The following FUT8 variants were observed in gnomAD, a reference collection of about 807,000 sequenced individuals.
The protein encoded by FUT8 is alpha-(1,6)-fucosyltransferase.
In FUT8, 29 loss-of-function variants were observed where a neutral mutation model predicts 71.3. That is an observed-to-expected ratio of 0.41 (90% CI 0.30 to 0.55). FUT8 has a LOEUF of 0.55. Among genes scored for constraint, FUT8 ranks in the 20% least tolerant of loss-of-function variants. FUT8 has a pLI of 0.34. For missense variants in FUT8, 544 were observed against 702.1 expected (o/e 0.77, Z 2.55); for synonymous variants, 254 against 239.3 (o/e 1.06, Z -0.57).
rs1891903789 is a variant in FUT8, at chr14:65,660,449, G to A, written c.598-8794G>A. Among the ~76,000 whole-genome samples the A allele has an allele frequency of 6.6e-6, 1 of 152,118 alleles. No homozygotes were observed. The highest frequency in any genetic ancestry group is 2.4e-5 in the African/African-American group (1 of 41,432). ...ACCAAGATAAGCTTTCCTCTTCTAT[G>A]ACCATATAGTAACTATCTGCCTTTG... is the stretch of plus-strand genomic sequence containing the variant. On this transcript the variant is annotated intron_variant, in intron 6 of 10. Transcript: ENST00000673929. This position sits in a 1 kb window ranked among gnomAD's most constrained non-coding sequence, Gnocchi z 4.1.
intron 1 of FUT8, among the ~76,000 whole-genome samples, chr14:65,429,949 C>T (rs546010232): frequency 6.7e-6 from 1 of 149,034 alleles, no homozygotes; most frequent in African/African-American, 2.5e-5. Context: ...TATGAAATGT[C>T]AGTGTCAGCG....
At position 65,643,309 on chromosome 14, in the gene FUT8, A is replaced by G. The variant is rs950444703; in HGVS notation, c.597+13703A>G. Among the ~76,000 whole-genome samples the G allele has an allele frequency of 2.6e-5, 4 of 152,202 alleles. No homozygotes were observed. Among genetic ancestry groups the G allele is most frequent in the Non-Finnish European group, 5.9e-5 (4 of 68,026 alleles). ...CACAACATCATTCCTTATTGAGGGT[A>G]TAAAAGGGAATACATATTTAGGTCA... On this transcript the variant is annotated intron_variant, in intron 6 of 10. Coordinates refer to ENST00000673929, the MANE Select transcript of FUT8 (RefSeq NM_001371533.1). The surrounding 1 kb of genome is among the most constrained non-coding windows in gnomAD (Gnocchi z 4.5).
intron 6 of FUT8, among the ~76,000 whole-genome samples, chr14:65,657,859 T>C (rs1187897367): frequency 6.6e-6 from 1 of 152,176 alleles, no homozygotes; most frequent in Non-Finnish European, 1.5e-5. Flanking sequence ...CTACCCCATT[T>C]ACCCTGATGT....
intron 2 of FUT8, among the ~76,000 whole-genome samples, chr14:65,513,609 A>G (rs1226892125): frequency 6.6e-6 from 1 of 151,354 alleles, no homozygotes; most frequent in Non-Finnish European, 1.5e-5. Flanking sequence ...GAGCAGTGAA[A>G]TTGTTCCCTT....
chr14:65,397,528 G>T, the FUT8 span, among the ~76,000 whole-genome samples: 4 of 152,210 alleles, frequency 2.6e-5, no homozygotes, highest in Admixed American at 6.5e-5. This position sits in a 1 kb window ranked among gnomAD's most constrained non-coding sequence, Gnocchi z 4.2. Flanking sequence ...TGGGTACTCT[G>T]GTTTCCACCT....
chr14:65,738,912 A>G (rs1050541250), intron 10 of FUT8, among the ~76,000 whole-genome samples: 1 of 152,120 alleles, frequency 6.6e-6, no homozygotes, highest in Non-Finnish European at 1.5e-5. Context: ...TATTCATTCA[A>G]CAGATACTTA....
chr14:65,616,013 T>A lies in FUT8; in HGVS notation c.239T>A (p.Ile80Lys). The A allele has an allele frequency of 6.2e-7, 1 of 1,613,934 alleles. No homozygotes were observed. Among genetic ancestry groups the A allele is most frequent in the Non-Finnish European group, 8.5e-7 (1 of 1,179,872 alleles). ...GGCCCTATTGATCAGGGGCCAGCTATAGGAAGAGTACGCGTTTTAGAAGAG... is the reference window on the plus strand; with the variant it reads ...GGCCCTATTGATCAGGGGCCAGCTAAAGGAAGAGTACGCGTTTTAGAAGAG... The part of the protein sequence containing the change: ...PEGPIDQGPA[I>K]GRVRVLEEQL... Residue 80 changes from isoleucine (I) to lysine (K), a missense_variant, in exon 4 of 11, where the codon ATA (isoleucine) becomes AAA (lysine). Coordinates refer to ENST00000673929, the MANE Select transcript of FUT8 (RefSeq NM_001371533.1).
chr14:65,530,115 ACT>A (rs1883837946), intron 2 of FUT8, among the ~76,000 whole-genome samples: 1 of 151,874 alleles, frequency 6.6e-6, no homozygotes, highest in African/African-American at 2.4e-5. Context: ...TCTTTCTGTA[ACT>A]CTCTCACTTC....
intron 7 of FUT8, among the ~76,000 whole-genome samples, chr14:65,712,559 C>T (rs1406022284): frequency 6.6e-6 from 1 of 152,126 alleles, no homozygotes; most frequent in Non-Finnish European, 1.5e-5. Context: ...ATTCTCCTGC[C>T]TCAGCCTCCT....
At chr14:65,423,931 A>G (rs2065341677) in intron 1 of FUT8, among the ~76,000 whole-genome samples, 1 of 152,182 alleles carries the variant, frequency 6.6e-6, no homozygotes, top group South Asian at 2.1e-4. Context: ...CTTTTTTTAC[A>G]ATGGCCCTTA....
rs368933597 is a variant in FUT8 at position 65,634,190 on chromosome 14, T to C, written c.597+4584T>C. Among the ~76,000 whole-genome samples the C allele has an allele frequency of 1.7e-3, 259 of 151,814 alleles. 2 individuals are homozygous for C. Among genetic ancestry groups the C allele is most frequent in the African/African-American group, 6.1e-3 (252 of 41,362 alleles). ...GTGTCTGTGTAGAAAGAAGTAGACA[T>C]GGGAGACTTTTCATTTTGTTCTGTA... is the stretch of plus-strand genomic sequence containing the variant. On this transcript the variant is annotated intron_variant, in intron 6 of 10. Coordinates refer to ENST00000673929, the MANE Select transcript of FUT8 (RefSeq NM_001371533.1).
rs149344422 is a variant in FUT8, at chr14:65,628,375, A to G, written c.483-1117A>G. On this transcript the variant is annotated intron_variant, in intron 5 of 10. Coordinates refer to ENST00000673929, the MANE Select transcript of FUT8 (RefSeq NM_001371533.1). Reference sequence around the variant, plus strand: ...AACAAAGTAGTAACATTATTTGTTGATGTTGTAACAGGATCTAGCTGATAT... The same window carrying G: ...AACAAAGTAGTAACATTATTTGTTGGTGTTGTAACAGGATCTAGCTGATAT... Among the ~76,000 whole-genome samples, 68 of 152,338 alleles carry G rather than the reference A, an allele frequency of 4.5e-4. No individual in the cohort carries two copies. In the East Asian group the frequency reaches 0.01, roughly 23 times the overall value.
In FUT8 at chr14:65,742,412, G is replaced by A. The variant is rs1896549632; in HGVS notation, c.*2G>A. The A allele has an allele frequency of 6.2e-7, 1 of 1,607,938 alleles. No homozygotes were observed. The highest frequency in any genetic ancestry group is 8.5e-7 in the Non-Finnish European group (1 of 1,176,224). On this transcript the variant is annotated 3_prime_UTR_variant, in exon 11 of 11. Coordinates refer to ENST00000673929, the MANE Select transcript of FUT8 (RefSeq NM_001371533.1). ...ACATATCCTGAGGCTGAGAAATAAAGCTCAGATGGAAGAGATAAACGACCA... is the reference window on the plus strand; with the variant it reads ...ACATATCCTGAGGCTGAGAAATAAAACTCAGATGGAAGAGATAAACGACCA...
chr14:65,370,480 T>C, the FUT8 span, among the ~76,000 whole-genome samples: 1 of 151,684 alleles, frequency 6.6e-6, no homozygotes. Flanking sequence ...AGTGCTAGGA[T>C]TACAGGCGTG....
At chr14:65,524,434 ACT>A (rs1443664203) in intron 2 of FUT8, among the ~76,000 whole-genome samples, 2 of 152,126 alleles carry the variant, frequency 1.3e-5, no homozygotes, top group Admixed American at 1.3e-4. Flanking sequence ...GTATCCTGAG[ACT>A]TTGCTGAAGT....
At chr14:65,578,315 T>G (rs1886900534) in intron 3 of FUT8, among the ~76,000 whole-genome samples, 2 of 152,196 alleles carry the variant, frequency 1.3e-5, no homozygotes. Context: ...TATCACTTGA[T>G]TTATAGATGA....
chr14:65,714,254 CT>C (rs2139323395), intron 7 of FUT8, among the ~76,000 whole-genome samples: 1 of 152,108 alleles, frequency 6.6e-6, no homozygotes, highest in African/African-American at 2.4e-5. Context: ...TAGAGCCATG[CT>C]GTTTTGGTTA....
intron 2 of FUT8, among the ~76,000 whole-genome samples, chr14:65,492,351 A>G (rs1002150221): frequency 1.3e-5 from 2 of 152,240 alleles, no homozygotes; most frequent in African/African-American, 4.8e-5. Context: ...AGGCAGAAAC[A>G]GACTGTAGCC....
intron 6 of FUT8, chr14:65,646,002 C>G (rs1307717577): frequency 6.6e-6 from 1 of 152,194 alleles, no homozygotes; most frequent in African/African-American, 2.4e-5. Flanking sequence ...CTACCCAACA[C>G]TAATACCGAC....
Sources: gnomAD v4.1 joint callset for allele counts (sites outside exome capture counted in the v4.1 genomes callset) on GRCh38, gnomAD v4.1.1 for gene constraint, Gnocchi (gnomAD v3.1) non-coding constraint, MANE v1.5 for transcripts, NCBI Gene and HGNC (gene_info 2026-07-23, HGNC 2026-07-21) for gene names.